Variants in SETD2 observed in about 807,000 individuals in gnomAD.
SETD2 encodes SET domain containing 2, histone lysine methyltransferase.
A neutral mutation model predicts 242.1 loss-of-function variants in SETD2; 31 were observed. The ratio of observed to expected loss-of-function variants is 0.13; its 90% CI spans 0.10 to 0.17. SETD2 has a LOEUF of 0.17. SETD2 is among the 10% of genes least tolerant of loss of function. The pLI is 1.00. For missense variants in SETD2, 2,481 were observed against 3,046.3 expected, an observed-to-expected ratio of 0.81 and a Z score of 4.37; for synonymous variants, 1,006 against 1,066.5, an observed-to-expected ratio of 0.94 and a Z score of 1.11.
intron 1 of SETD2, among the ~76,000 whole-genome samples, chr3:47,134,323 G>A (rs1032783383): frequency 3.3e-5 from 5 of 152,176 alleles, no homozygotes; most frequent in East Asian, 1.9e-4. Flanking sequence ...CACCTATGGC[G>A]TTATATATTC....
At chr3:47,089,388 A>G (rs1177324026) in intron 9 of SETD2, among the ~76,000 whole-genome samples, 1 of 152,164 alleles carries the variant, frequency 6.6e-6, no homozygotes, top group East Asian at 1.9e-4. Context: ...TTGAGGCTAC[A>G]GTGAGTTATA....
intron 8 of SETD2, 55 bp downstream of exon 8, chr3:47,101,403 C>T (rs2107682335): frequency 1.1e-6 from 1 of 898,842 alleles, no homozygotes; most frequent in Non-Finnish European, 1.7e-6. Flanking sequence ...ATCCTTATAT[C>T]TGAACAGCCT....
At chr3:47,076,530 A>C (rs1203445488) in intron 12 of SETD2, among the ~76,000 whole-genome samples, 1 of 152,220 alleles carries the variant, frequency 6.6e-6, no homozygotes, top group East Asian at 1.9e-4. Flanking sequence ...ATTACTGCCA[A>C]GATGCCACAA....
rs1356464887 is a variant in SETD2, at chr3:47,124,281, C to G, written c.355G>C (p.Glu119Gln). ...QVDSTPKMKM[E>Q]IGDTLSTAEE... ...GCAGTAGATAAGGTATCACCAATTT[C>G]CATTTTCATTTTAGGAGTCGAGTCT... Residue 119 changes from glutamate to glutamine, a missense_variant, in exon 3 of 21, where the codon GAA (glutamate) becomes CAA (glutamine). Physicochemically the swap from Glu to Gln is conservative, Grantham distance 29. Transcript: ENST00000409792. 6.4e-7 allele frequency: 1 copy of G among 1,551,732 alleles called. No individual in the cohort carries two copies. The highest frequency in any genetic ancestry group is 8.7e-7 in the Non-Finnish European group (1 of 1,147,010).
chr3:47,157,490 T>G (rs1359818830), intron 1 of SETD2: 3 of 455,984 alleles, frequency 6.6e-6, no homozygotes, highest in Non-Finnish European at 1.3e-5. Context: ...CAGTTAAACT[T>G]TCTTTTGACC....
At chr3:47,157,116 A>T (rs2044143128) in intron 1 of SETD2, among the ~76,000 whole-genome samples, 1 of 152,092 alleles carries the variant, frequency 6.6e-6, no homozygotes, top group Admixed American at 6.5e-5. Context: ...AAACAAAATT[A>T]GTTGGGCATG....
rs896385951 is a variant in SETD2, at chr3:47,132,477, ACT to A, written c.72-5816_72-5815del. On this transcript the variant is annotated intron_variant, in intron 1 of 20. Transcript: ENST00000409792. ...ACTCCAGCCTAGAAGATAGAGGGAG[ACT>A]CTGTCTCAAACAAAAACAAAACTAG... Among the ~76,000 whole-genome samples the A allele has an allele frequency of 1.4e-4, 21 of 152,084 alleles. No homozygotes were observed. The South Asian group carries it at 1.5e-3, about 11-fold the overall frequency.
At chr3:47,021,829 CA>C (rs2038231744) in intron 18 of SETD2, among the ~76,000 whole-genome samples, 1 of 152,126 alleles carries the variant, frequency 6.6e-6, no homozygotes, top group Non-Finnish European at 1.5e-5. Context: ...TAGGACCCCC[CA>C]CTCCAAAAAA....
At chr3:47,098,108 C>A in intron 8 of SETD2, 27 bp from the exon 9 acceptor site, 2 of 1,612,526 alleles carry the variant, frequency 1.2e-6, no homozygotes, top group South Asian at 2.2e-5. Context: ...GGAAAGAAGT[C>A]AGCTATGTGG....
At chr3:47,032,417 G>C (rs915627910) in intron 18 of SETD2, among the ~76,000 whole-genome samples, 1 of 151,998 alleles carries the variant, frequency 6.6e-6, no homozygotes, top group Non-Finnish European at 1.5e-5. Context: ...CTGGTAGGTG[G>C]AGACTACAGT....
intron 1 of SETD2, among the ~76,000 whole-genome samples, chr3:47,158,457 T>C (rs1344694656): frequency 1.3e-5 from 2 of 152,154 alleles, no homozygotes; most frequent in Non-Finnish European, 2.9e-5. Flanking sequence ...CCCCTCCTCT[T>C]CTTCCTCCTC....
chr3:47,101,009 CAAAAAAAAAAAAAAA>C (rs1164475680), intron 8 of SETD2, among the ~76,000 whole-genome samples: 11 of 23,100 alleles, frequency 4.8e-4, no homozygotes, highest in African/African-American at 1.7e-3. Flanking sequence ...GAGTCCATCT[CAAAAAAAAAAAAAAA>C]AAAAAAAAAA....
At position 47,151,357 on chromosome 3, in the gene SETD2, CTT is replaced by C. The variant is rs541560477; in HGVS notation, c.71+12495_71+12496del. ...TATATAAAAACATATCTTTTAAAAA[CTT>C]ATATGAAAAAATAGCATCGATGAAA... On this transcript the variant is annotated intron_variant, in intron 1 of 20. Transcript: ENST00000409792. 1.9e-4 allele frequency among the ~76,000 whole-genome samples: 29 copies of C among 152,162 alleles called. 1 individual carries two copies. The South Asian group carries it at 3.5e-3, about 19-fold the overall frequency.
intron 17 of SETD2, among the ~76,000 whole-genome samples, chr3:47,038,503 T>C (rs2039125430): frequency 6.6e-6 from 1 of 152,006 alleles, no homozygotes; most frequent in African/African-American, 2.4e-5. Context: ...TAATCCCAGC[T>C]ACTCAGGAGG....
intron 1 of SETD2, among the ~76,000 whole-genome samples, chr3:47,154,574 G>A (rs966379336): frequency 6.6e-6 from 1 of 152,104 alleles, no homozygotes; most frequent in Non-Finnish European, 1.5e-5. Flanking sequence ...TTAAGTTCTT[G>A]GATATGGTAT....
Position 47,120,905 on chromosome 3 carries a change from G to A in SETD2, c.3731C>T (p.Pro1244Leu), listed in dbSNP as rs768083138. 7 of 1,614,106 alleles carry A rather than the reference G, an allele frequency of 4.3e-6. No homozygotes were observed. The Admixed American group carries it at 1.0e-4, about 23-fold the overall frequency. The change falls in exon 3 of 21, where the codon CCA (proline) becomes CTA (leucine). Residue 1244 changes from proline (P) to leucine (L), a missense_variant. Pro to Leu is a moderately conservative substitution (Grantham distance 98). Transcript: ENST00000409792. ...ELSFSSSCEI[P>L]HVDGLHSSEE... ...TGATGAGTGCAAGCCATCCACATGTGGTATCTCACAAGAGGAAGAAAAACT... is the reference window on the plus strand; with the variant it reads ...TGATGAGTGCAAGCCATCCACATGTAGTATCTCACAAGAGGAAGAAAAACT...
chr3:47,041,427 C>A (rs905240294), intron 17 of SETD2: 2 of 419,326 alleles, frequency 4.8e-6, no homozygotes, highest in African/African-American at 2.1e-5. Context: ...GTGGGAGGAT[C>A]GCTTGAAGCC....
At chr3:47,148,655 C>A (rs918353189) in intron 1 of SETD2, among the ~76,000 whole-genome samples, 4 of 152,154 alleles carry the variant, frequency 2.6e-5, no homozygotes, top group Non-Finnish European at 5.9e-5. Flanking sequence ...TAATTAGGGT[C>A]TTAAATTAAT....
chr3:47,100,313 T>C (rs1023290050), intron 8 of SETD2, among the ~76,000 whole-genome samples: 23 of 151,786 alleles, frequency 1.5e-4, no homozygotes, highest in Non-Finnish European at 7.4e-5. Context: ...CAGGCTGGAG[T>C]GCAACAGCAC....
Sources: allele counts gnomAD v4.1 joint callset (sites outside exome capture counted in the v4.1 genomes callset), GRCh38; gene constraint gnomAD v4.1.1; transcripts MANE v1.5; gene names NCBI Gene and HGNC (gene_info 2026-07-23, HGNC 2026-07-21).